The following PGR variants were observed in gnomAD, a reference collection of about 807,000 sequenced individuals.
PGR encodes nuclear receptor subfamily 3 group C member 3.
In PGR, 25 loss-of-function variants were observed where a neutral mutation model predicts 76.1. The ratio of observed to expected loss-of-function variants is 0.33; its 90% CI spans 0.24 to 0.46. PGR has a LOEUF of 0.46. PGR is among the 20% of genes least tolerant of loss of function. PGR has a pLI of 1.00. For missense variants in PGR, 1,172 were observed against 1,225.3 expected (o/e 0.96, Z 0.65); for synonymous variants, 579 against 535.0 (o/e 1.08, Z -1.14).
intron 4 of PGR, among the ~76,000 whole-genome samples, chr11:101,056,642 G>GAAAA (rs200810746): frequency 8.3e-6 from 1 of 120,946 alleles, no homozygotes; most frequent in African/African-American, 3.3e-5. Flanking sequence ...CCTATCTCAA[G>GAAAA]AAAAAAAAAA....
At chr11:101,103,407 C>T (rs1177155668) in intron 2 of PGR, among the ~76,000 whole-genome samples, 2 of 152,098 alleles carry the variant, frequency 1.3e-5, no homozygotes, top group Admixed American at 1.3e-4. Context: ...AGGAGGGATA[C>T]AGCACACTGG....
chr11:101,127,606 G>T lies in PGR; in HGVS notation c.1465C>A (p.Leu489Met). ...GAGGGCAGGCCGTCCCGCGGGAGCA[G>T]GCAGCCGCTCGCGCCCGGCGCCTTG... Reference protein sequence around the residue: ...PCKAPGASGCLLPRDGLPSTS... With the variant: ...PCKAPGASGCMLPRDGLPSTS... Residue 489 changes from leucine (L) to methionine (M), a missense_variant, in exon 1 of 8, where the codon CTG becomes ATG. Coordinates refer to ENST00000325455, the MANE Select transcript of PGR (RefSeq NM_000926.4). 7.7e-7 allele frequency: 1 copy of T among 1,304,622 alleles called. No individual in the cohort carries two copies. Among genetic ancestry groups the T allele is most frequent in the Non-Finnish European group, 9.7e-7 (1 of 1,035,840 alleles). 80.8% of individuals were successfully genotyped at this position (1,304,622 alleles called of 1,614,324 possible).
rs753083284 is a variant in PGR, at chr11:101,127,700, G to A, written c.1371C>T (p.Thr457=). ...CCGCTTTGTACAGGATGCACTCCAG[G>A]GTCGACCCCGAGGAGGACGCAGACG... The part of the protein sequence containing the change: ...SVSSASSSGS[T]LECILYKAEG... The change falls in exon 1 of 8, where the codon ACC becomes ACT. Residue 457 remains threonine (T), a synonymous_variant. Transcript: ENST00000325455. 3.0e-5 allele frequency: 48 copies of A among 1,582,978 alleles called. 1 individual carries two copies. The highest frequency in any genetic ancestry group is 4.5e-5 in the South Asian group (4 of 88,468).
At chr11:101,119,715 A>G (rs1300222129) in intron 2 of PGR, among the ~76,000 whole-genome samples, 1 of 152,228 alleles carries the variant, frequency 6.6e-6, no homozygotes, top group Non-Finnish European at 1.5e-5. Flanking sequence ...AGCTGTTCTG[A>G]ATAGAAGAAG....
Position 101,038,971 on chromosome 11 carries a change from C to A in PGR, c.*145G>T. On this transcript the variant is annotated 3_prime_UTR_variant, in exon 8 of 8. Transcript: ENST00000325455. Reference sequence around the variant, plus strand: ...ATAAAAGAAAATAATTAGAACCTCACAATTTTTCTTTTAAATTTACACACT... The same window carrying A: ...ATAAAAGAAAATAATTAGAACCTCAAAATTTTTCTTTTAAATTTACACACT... 3.4e-6 allele frequency: 2 copies of A among 587,008 alleles called. No individual in the cohort carries two copies. Among genetic ancestry groups the A allele is most frequent in the South Asian group, 4.6e-5 (2 of 43,838 alleles). The allele number at this position is 587,008 out of a possible 1,614,324, so 36.4% of individuals were successfully genotyped here.
intron 2 of PGR, among the ~76,000 whole-genome samples, chr11:101,092,539 C>T (rs1861707178): frequency 6.6e-6 from 1 of 152,082 alleles, no homozygotes; most frequent in Non-Finnish European, 1.5e-5. Flanking sequence ...AGAGGAGAAA[C>T]TTTATAGAAG....
intron 6 of PGR, among the ~76,000 whole-genome samples, chr11:101,044,143 T>C (rs1859784170): frequency 6.6e-6 from 1 of 152,198 alleles, no homozygotes; most frequent in African/African-American, 2.4e-5. Flanking sequence ...TTATCTACCC[T>C]GAAAACCTGT....
intron 2 of PGR, among the ~76,000 whole-genome samples, chr11:101,125,515 G>A (rs1327999163): frequency 6.6e-6 from 1 of 152,110 alleles, no homozygotes; most frequent in East Asian, 1.9e-4. Context: ...AAATATTCAT[G>A]TAGTCAAAAG....
intron 4 of PGR, among the ~76,000 whole-genome samples, chr11:101,059,424 A>G (rs1258550250): frequency 6.6e-6 from 1 of 152,106 alleles, no homozygotes; most frequent in Non-Finnish European, 1.5e-5. Context: ...ATAAGAAAAT[A>G]TTGCCCACTA....
intron 3 of PGR, among the ~76,000 whole-genome samples, chr11:101,071,329 C>T (rs1039544329): frequency 1.3e-5 from 2 of 152,170 alleles, no homozygotes; most frequent in East Asian, 3.9e-4. Flanking sequence ...AGGTCACCAA[C>T]ATCAAAGACC....
At chr11:101,044,327 C>T (rs1289465385) in intron 6 of PGR, among the ~76,000 whole-genome samples, 2 of 152,168 alleles carry the variant, frequency 1.3e-5, no homozygotes, top group Non-Finnish European at 2.9e-5. Flanking sequence ...CTGCTCCTTC[C>T]TTACATCTCT....
intron 3 of PGR, chr11:101,064,079 C>T (rs1382164741): frequency 1.3e-5 from 2 of 152,128 alleles, no homozygotes; most frequent in African/African-American, 4.8e-5. Context: ...GCCTGTAGTT[C>T]TAGCACTTTG....
chr11:101,117,540 GA>G (rs1259426997), intron 2 of PGR, among the ~76,000 whole-genome samples: 1 of 151,922 alleles, frequency 6.6e-6, no homozygotes, highest in Non-Finnish European at 1.5e-5. Context: ...ATCAAATTTA[GA>G]AAGTTTTCCA....
intron 2 of PGR, among the ~76,000 whole-genome samples, chr11:101,120,815 T>C (rs1228538610): frequency 6.6e-6 from 1 of 152,206 alleles, no homozygotes; most frequent in East Asian, 1.9e-4. Context: ...TTTGTGTTAC[T>C]TGAGTAATTA....
intron 2 of PGR, among the ~76,000 whole-genome samples, chr11:101,098,028 G>A (rs143332421): frequency 0.018 from 2,694 of 151,922 alleles, 31 homozygotes; most frequent in Non-Finnish European, 0.029. Context: ...CTCCTGCCTC[G>A]GCCTCCTGAA....
rs1015149306 is a variant in PGR at position 101,033,988 on chromosome 11, C to T, written c.*5128G>A. On this transcript the variant is annotated 3_prime_UTR_variant, in exon 8 of 8. Transcript: ENST00000325455. ...TACAATACCATTTAAATATTTTATT[C>T]ATATCTATCCGAATATTGACCAGGA... is the stretch of plus-strand genomic sequence containing the variant. 8.7e-6 allele frequency: 2 copies of T among 228,930 alleles called. No homozygotes were observed. Among genetic ancestry groups the T allele is most frequent in the Non-Finnish European group, 1.7e-5 (2 of 115,464 alleles). 14.2% of individuals were successfully genotyped at this position (228,930 alleles called of 1,614,324 possible).
chr11:101,083,694 G>C (rs1861392004), intron 3 of PGR, among the ~76,000 whole-genome samples: 1 of 152,136 alleles, frequency 6.6e-6, no homozygotes, highest in South Asian at 2.1e-4. Flanking sequence ...CTTGCTTGGG[G>C]CCTGTATCTC....
intron 2 of PGR, among the ~76,000 whole-genome samples, chr11:101,124,295 G>A (rs1038457870): frequency 6.6e-6 from 1 of 152,124 alleles, no homozygotes; most frequent in Non-Finnish European, 1.5e-5. Flanking sequence ...TGACGAGAAA[G>A]CATTTGTATT....
Position 101,091,781 on chromosome 11 carries a change from G to T in PGR, c.1885C>A (p.Gln629Lys). ...CPACRLRKCC[Q>K]AGMVLGGRKF... Reference sequence around the variant, plus strand: ...TTACCTCCAAGGACCATGCCAGCCTGACAGCACTTTCTAAGGCGACATGCT... The same window carrying T: ...TTACCTCCAAGGACCATGCCAGCCTTACAGCACTTTCTAAGGCGACATGCT... Residue 629 changes from glutamine (Q) to lysine (K), a missense_variant, in exon 3 of 8, where the codon CAG (glutamine) becomes AAG (lysine). This residue lies in a region of PGR where 73 missense variants were observed against 60.7 expected (regional missense o/e 1.20). Transcript: ENST00000325455. 1.3e-6 allele frequency: 2 copies of T among 1,583,488 alleles called. No individual in the cohort carries two copies. Among genetic ancestry groups the T allele is most frequent in the Non-Finnish European group, 1.7e-6 (2 of 1,152,072 alleles).
Sources: gnomAD v4.1 joint callset for allele counts (sites outside exome capture counted in the v4.1 genomes callset) on GRCh38, gnomAD v4.1.1 for gene constraint, gnomAD v4.1.1 regional missense constraint, MANE v1.5 for transcripts, NCBI Gene and HGNC (gene_info 2026-07-23, HGNC 2026-07-21) for gene names.